SGCD: variants seen among roughly 807,000 people sequenced by gnomAD.
SGCD encodes sarcoglycan delta.
In SGCD, 18 loss-of-function variants were observed where a neutral mutation model predicts 36.6. That is an observed-to-expected ratio of 0.49 (90% CI 0.34 to 0.73). The LOEUF is 0.73. Ranked by LOEUF, SGCD falls within the 30% of genes least tolerant of loss-of-function variation. The probability of loss-of-function intolerance (pLI) is 0.01; values close to 1 mark genes in which losing one functional copy is unlikely to be tolerated. For missense variants in SGCD, 387 were observed against 346.7 expected (o/e 1.12, Z -0.92); for synonymous variants, 133 against 130.6 (o/e 1.02, Z -0.12).
chr5:156,427,041 C>T (rs1773703604), intron 3 of SGCD, among the ~76,000 whole-genome samples: 1 of 151,908 alleles, frequency 6.6e-6, no homozygotes, highest in Non-Finnish European at 1.5e-5. Flanking sequence ...TCTGTGTTTC[C>T]ATATAAATTT....
intron 7 of SGCD, among the ~76,000 whole-genome samples, chr5:156,687,620 A>G (rs968865867): frequency 2.0e-5 from 3 of 152,230 alleles, no homozygotes; most frequent in Non-Finnish European, 4.4e-5. Context: ...TTGGTAAAAC[A>G]GGCAGCCTCC....
intron 3 of SGCD, among the ~76,000 whole-genome samples, chr5:156,407,944 G>A (rs1772513181): frequency 1.3e-5 from 2 of 152,164 alleles, no homozygotes; most frequent in African/African-American, 4.8e-5. Flanking sequence ...ATATGTGGAG[G>A]AGGAAGATTT....
At chr5:155,780,044 G>A in the SGCD span, among the ~76,000 whole-genome samples, 33 of 152,104 alleles carry the variant, frequency 2.2e-4, no homozygotes, top group African/African-American at 7.7e-4. Context: ...TCTTAGACTT[G>A]CAGGAATTAA....
chr5:155,765,450 G>GTGGA, the SGCD span, among the ~76,000 whole-genome samples: 1 of 131,822 alleles, frequency 7.6e-6, no homozygotes, highest in Non-Finnish European at 1.6e-5. Context: ...GGGTGGGAGG[G>GTGGA]AGGAAGGAAG....
chr5:156,732,597 T>C (rs537858330), intron 7 of SGCD, among the ~76,000 whole-genome samples: 168 of 152,110 alleles, frequency 1.1e-3, no homozygotes, highest in South Asian at 1.9e-3. Flanking sequence ...GGTATCAGGA[T>C]GATGCCTCAT....
In SGCD at chr5:156,472,265, C is replaced by T. The variant is rs368435531; in HGVS notation, c.193-36336C>T. On this transcript the variant is annotated intron_variant, in intron 3 of 8. Coordinates refer to ENST00000337851, the MANE Select transcript of SGCD (RefSeq NM_000337.6). ...AGCTAAAAGAAATGAAAACATATAT[C>T]CAAAAAGGGCTTTCAAAAGAGCATT... Among the ~76,000 whole-genome samples, 36 of 152,144 alleles carry T rather than the reference C, an allele frequency of 2.4e-4. 1 individual carries two copies. The highest frequency in any genetic ancestry group is 1.7e-3 in the South Asian group (8 of 4,812).
At chr5:156,361,484 A>G (rs1474659496) in intron 3 of SGCD, among the ~76,000 whole-genome samples, 1 of 152,236 alleles carries the variant, frequency 6.6e-6, no homozygotes, top group African/African-American at 2.4e-5. Context: ...GAAAAGTTGT[A>G]ATAAAGATTA....
rs1277207095 is a variant in SGCD at position 156,427,830 on chromosome 5, G to A, written c.193-80771G>A. 3.9e-5 allele frequency among the ~76,000 whole-genome samples: 6 copies of A among 152,212 alleles called. No homozygotes were observed. The East Asian group carries it at 9.7e-4, about 24-fold the overall frequency. On this transcript the variant is annotated intron_variant, in intron 3 of 8. Transcript: ENST00000337851. ...TTGTTTTTAATTCTCTTTATGTGAT[G>A]TATCACATTTATTGACTTGCATATG...
At chr5:156,470,019 C>G (rs1427197545) in intron 3 of SGCD, among the ~76,000 whole-genome samples, 1 of 152,204 alleles carries the variant, frequency 6.6e-6, no homozygotes, top group Non-Finnish European at 1.5e-5. Context: ...CTGCAGTAAT[C>G]AGCTTCTACT....
At chr5:155,754,178 A>C in the SGCD span, among the ~76,000 whole-genome samples, 1 of 152,230 alleles carries the variant, frequency 6.6e-6, no homozygotes, top group Non-Finnish European at 1.5e-5. Context: ...ACCTGTGACC[A>C]TGAATGCTTT....
chr5:155,810,565 G>T, the SGCD span, among the ~76,000 whole-genome samples: 9 of 151,978 alleles, frequency 5.9e-5, no homozygotes, highest in South Asian at 2.1e-4. Context: ...TATGTTAGTT[G>T]TCTTTAATAC....
At chr5:156,134,512 C>G (rs1441011171) in intron 3 of SGCD, among the ~76,000 whole-genome samples, 1 of 152,196 alleles carries the variant, frequency 6.6e-6, no homozygotes, top group African/African-American at 2.4e-5. Flanking sequence ...AATCACCTCT[C>G]TCTTGCACTT....
At chr5:155,975,844 G>T (rs1364415367) in intron 1 of SGCD, among the ~76,000 whole-genome samples, 1 of 151,394 alleles carries the variant, frequency 6.6e-6, no homozygotes. Context: ...TGCCCAGGCT[G>T]GTCTCAAACT....
chr5:156,665,204 C>T (rs919656803), intron 7 of SGCD, among the ~76,000 whole-genome samples: 90 of 152,084 alleles, frequency 5.9e-4, no homozygotes, highest in African/African-American at 2.0e-3. Flanking sequence ...TGTAATCTTA[C>T]GGGCACCTGA....
chr5:156,657,694 G>A (rs558590329), intron 7 of SGCD, among the ~76,000 whole-genome samples: 7 of 152,194 alleles, frequency 4.6e-5, no homozygotes, highest in East Asian at 3.9e-4. Flanking sequence ...ACTAGGAGGC[G>A]GAGGTTGCAG....
chr5:155,739,071 G>A, the SGCD span, among the ~76,000 whole-genome samples: 1 of 152,158 alleles, frequency 6.6e-6, no homozygotes, highest in Non-Finnish European at 1.5e-5. Context: ...TTTTAAGATT[G>A]TATGAACTTT....
intron 3 of SGCD, among the ~76,000 whole-genome samples, chr5:156,318,378 T>C (rs905578738): frequency 1.3e-5 from 2 of 152,138 alleles, no homozygotes; most frequent in African/African-American, 4.8e-5. Flanking sequence ...TCAGTGGTAC[T>C]AGAGACAGTG....
chr5:156,455,634 G>T (rs1220360593), intron 3 of SGCD, among the ~76,000 whole-genome samples: 1 of 152,112 alleles, frequency 6.6e-6, no homozygotes, highest in African/African-American at 2.4e-5. Context: ...TTGCATAGAG[G>T]AAGAATGAAA....
intron 1 of SGCD, among the ~76,000 whole-genome samples, chr5:156,071,776 G>A (rs1381165757): frequency 6.6e-6 from 1 of 152,182 alleles, no homozygotes; most frequent in Non-Finnish European, 1.5e-5. Flanking sequence ...AAATCTCTTT[G>A]TAGGTCACTC....
Sources: allele counts gnomAD v4.1 joint callset (sites outside exome capture counted in the v4.1 genomes callset), GRCh38; gene constraint gnomAD v4.1.1; transcripts MANE v1.5; gene names NCBI Gene and HGNC (gene_info 2026-07-23, HGNC 2026-07-21).